Variants in ASTN2 observed in about 807,000 individuals in gnomAD.
The protein encoded by ASTN2 is astrotactin-2.
Under a neutral mutation model 139.8 loss-of-function variants are expected in ASTN2, and 54 were observed. That is an observed-to-expected ratio of 0.39 (90% confidence interval 0.31 to 0.48). ASTN2 has a LOEUF of 0.48. Ranked by LOEUF, ASTN2 falls within the 20% of genes least tolerant of loss-of-function variation. ASTN2 has a pLI of 0.95. For synonymous variants in ASTN2, 756 were observed against 719.5 expected (o/e 1.05, Z -0.81); for missense variants, 1,565 against 1,725.1 (o/e 0.91, Z 1.64).
At chr9:116,922,931 C>T (rs1237425658) in intron 10 of ASTN2, among the ~76,000 whole-genome samples, 1 of 152,134 alleles carries the variant, frequency 6.6e-6, no homozygotes, top group Non-Finnish European at 1.5e-5. Context: ...AATAGACTCA[C>T]AGGACATGAA....
At chr9:116,857,618 G>A (rs1416999878) in intron 11 of ASTN2, among the ~76,000 whole-genome samples, 1 of 152,158 alleles carries the variant, frequency 6.6e-6, no homozygotes, top group East Asian at 1.9e-4. Flanking sequence ...TTAAATCTAG[G>A]TTGTATTACT....
chr9:117,353,786 A>C (rs1005957921), intron 1 of ASTN2, among the ~76,000 whole-genome samples: 2 of 152,168 alleles, frequency 1.3e-5, no homozygotes. Flanking sequence ...TTACTAAGTG[A>C]AAGAAGCCAA....
chr9:117,189,595 A>G (rs1045570451), intron 3 of ASTN2, among the ~76,000 whole-genome samples: 10 of 152,212 alleles, frequency 6.6e-5, no homozygotes, highest in Admixed American at 5.9e-4. Flanking sequence ...TATTTTATAT[A>G]TATGATTTCC....
intron 7 of ASTN2, among the ~76,000 whole-genome samples, chr9:116,987,339 G>T (rs1483995833): frequency 6.6e-6 from 1 of 152,220 alleles, no homozygotes; most frequent in Admixed American, 6.5e-5. Context: ...TGTTGGCTCA[G>T]CTCATGTGGG....
At chr9:117,378,867 C>G (rs1055300823) in intron 1 of ASTN2, among the ~76,000 whole-genome samples, 8 of 152,172 alleles carry the variant, frequency 5.3e-5, no homozygotes, top group Non-Finnish European at 1.2e-4. Flanking sequence ...TGATTGGATT[C>G]TGGGGACGGA....
intron 10 of ASTN2, among the ~76,000 whole-genome samples, 163 bp from the exon 11 acceptor site, chr9:116,863,896 T>A (rs1377190205): frequency 6.6e-6 from 1 of 152,196 alleles, no homozygotes; most frequent in East Asian, 1.9e-4. Flanking sequence ...TATACCATCA[T>A]ATGACACGGT....
chr9:117,058,363 A>G (rs1428465076), intron 5 of ASTN2, among the ~76,000 whole-genome samples: 2 of 152,214 alleles, frequency 1.3e-5, no homozygotes, highest in Non-Finnish European at 2.9e-5. Flanking sequence ...TTGTTTCACA[A>G]TAAAAATAAT....
At chr9:117,155,069 A>G (rs1830403472) in intron 3 of ASTN2, among the ~76,000 whole-genome samples, 1 of 151,960 alleles carries the variant, frequency 6.6e-6, no homozygotes, top group Non-Finnish European at 1.5e-5. Flanking sequence ...GAAGAGATCA[A>G]ACTGTGGAGT....
intron 17 of ASTN2, among the ~76,000 whole-genome samples, chr9:116,645,416 C>T (rs1857539003): frequency 6.6e-6 from 1 of 152,122 alleles, no homozygotes; most frequent in Non-Finnish European, 1.5e-5. Context: ...GGGCTCGTTT[C>T]CAGCTTAGGC....
intron 10 of ASTN2, among the ~76,000 whole-genome samples, chr9:116,920,707 C>A (rs961965995): frequency 2.0e-5 from 3 of 152,138 alleles, no homozygotes; most frequent in African/African-American, 7.2e-5. Context: ...TACCAGGACC[C>A]CGGTATGTGT....
intron 19 of ASTN2, among the ~76,000 whole-genome samples, chr9:116,531,663 G>C: frequency 6.6e-6 from 1 of 152,072 alleles, no homozygotes; most frequent in South Asian, 2.1e-4. Flanking sequence ...ATGGTTTCCA[G>C]CTTCATCCAC....
chr9:117,120,000 G>A (rs1829502031), intron 4 of ASTN2, among the ~76,000 whole-genome samples: 1 of 42,182 alleles, frequency 2.4e-5, no homozygotes, highest in Non-Finnish European at 4.7e-5. Context: ...ATGTGTGTGT[G>A]TGTGTGTGTG....
intron 11 of ASTN2, among the ~76,000 whole-genome samples, chr9:116,834,118 T>C (rs1015042074): frequency 3.3e-5 from 5 of 152,242 alleles, no homozygotes; most frequent in African/African-American, 4.8e-5. Flanking sequence ...ATTGCTCTGT[T>C]ATTGCTTTCT....
chr9:117,078,701 C>T (rs1828343360), intron 5 of ASTN2, among the ~76,000 whole-genome samples: 1 of 152,106 alleles, frequency 6.6e-6, no homozygotes, highest in African/African-American at 2.4e-5. Context: ...CAATGATTCT[C>T]AACTATGGCT....
chr9:117,343,113 T>C (rs780952235), intron 1 of ASTN2, among the ~76,000 whole-genome samples: 2 of 152,158 alleles, frequency 1.3e-5, no homozygotes, highest in Non-Finnish European at 2.9e-5. Context: ...AAAATCAAAG[T>C]ATGTGCAGGG....
At chr9:116,565,890 TAG>T (rs1406103228) in intron 19 of ASTN2, among the ~76,000 whole-genome samples, 1 of 152,138 alleles carries the variant, frequency 6.6e-6, no homozygotes, top group Non-Finnish European at 1.5e-5. Flanking sequence ...GTAGAAGATC[TAG>T]AGAGAGACCT....
chr9:116,764,337 G>A (rs565750287), intron 13 of ASTN2, among the ~76,000 whole-genome samples: 8 of 152,156 alleles, frequency 5.3e-5, no homozygotes, highest in Non-Finnish European at 1.2e-4. Context: ...AAATGTCTTA[G>A]CCCAGTTTGA....
chr9:117,265,617 C>A (rs1006625625), intron 2 of ASTN2, among the ~76,000 whole-genome samples: 1 of 152,110 alleles, frequency 6.6e-6, no homozygotes, highest in African/African-American at 2.4e-5. Context: ...CCAATCCGGC[C>A]TAAATCTGCC....
chr9:116,720,434 A>T (rs982378984), intron 16 of ASTN2, among the ~76,000 whole-genome samples: 2 of 152,154 alleles, frequency 1.3e-5, no homozygotes, highest in African/African-American at 4.8e-5. Flanking sequence ...CTTGGAAAAG[A>T]CATGTTAATT....
Sources: allele counts gnomAD v4.1 joint callset (sites outside exome capture counted in the v4.1 genomes callset), GRCh38; gene constraint gnomAD v4.1.1; transcripts MANE v1.5; gene names NCBI Gene and HGNC (gene_info 2026-07-23, HGNC 2026-07-21).